Variants in DUXA observed in about 807,000 individuals in gnomAD.
DUXA encodes double homeobox A.
DUXA carries 25 observed loss-of-function variants against 27.5 expected under a neutral mutation model. That is an observed-to-expected ratio of 0.91 (90% CI 0.66 to 1.27). The LOEUF is 1.27. Ranked by LOEUF, DUXA falls within the 50% of genes most tolerant of loss-of-function variation. The pLI is 0.00. For synonymous variants in DUXA, 90 were observed against 80.5 expected (o/e 1.12, Z -0.63); for missense variants, 247 against 242.9 (o/e 1.02, Z -0.11).
chr19:57,159,237 T>C lies in DUXA; in HGVS notation c.222A>G (p.Lys74=). 7 of 1,614,182 alleles carry C rather than the reference T, an allele frequency of 4.3e-6. No homozygotes were observed. The highest frequency in any genetic ancestry group is 5.9e-6 in the Non-Finnish European group (7 of 1,180,032). ...ATTCTAAAGTCTCAGCTTCTGGTCT[T>C]TTCTGGAATCCGTGCCTAGCTCTTC... ...QNRRARHGFQ[K]RPEAETLESS... The change falls in exon 3 of 6, where the codon AAA becomes AAG. Residue 74 remains lysine, a synonymous_variant. Transcript: ENST00000554048.
At chr19:57,155,444 T>C in intron 4 of DUXA, 72 bp from the exon 5 acceptor site, 1 of 1,239,896 alleles carries the variant, frequency 8.1e-7, no homozygotes, top group Admixed American at 2.0e-5. Flanking sequence ...CTTTCTTCTC[T>C]TTTTTCTTTT....
At chr19:57,159,371 C>T in intron 2 of DUXA, 93 bp from the exon 3 acceptor site, 2 of 1,142,410 alleles carry the variant, frequency 1.8e-6, no homozygotes, top group Non-Finnish European at 2.5e-6. Flanking sequence ...CTTATTGGGC[C>T]TAGGCCCAGG....
At chr19:57,160,953 A>G (rs2087018031) in intron 1 of DUXA, among the ~76,000 whole-genome samples, 156 bp from the exon 2 acceptor site, 1 of 152,122 alleles carries the variant, frequency 6.6e-6, no homozygotes, top group Non-Finnish European at 1.5e-5. Context: ...TGAACACACA[A>G]TGGCGATTTT....
chr19:57,166,962 G>A (rs759274179), intron 1 of DUXA, among the ~76,000 whole-genome samples: 2 of 152,138 alleles, frequency 1.3e-5, no homozygotes, highest in Non-Finnish European at 2.9e-5. Context: ...GCCTGTTAGA[G>A]ACAAGCAGGC....
chr19:57,154,720 C>T (rs991751774), intron 5 of DUXA, among the ~76,000 whole-genome samples: 8 of 152,048 alleles, frequency 5.3e-5, no homozygotes, highest in Admixed American at 3.3e-4. Flanking sequence ...CCCGCCACCA[C>T]GCTCGGCTAA....
chr19:57,160,908 C>T (rs1568464100), intron 1 of DUXA, 111 bp from the exon 2 acceptor site: 1 of 1,219,386 alleles, frequency 8.2e-7, no homozygotes, highest in African/African-American at 1.5e-5. Flanking sequence ...GGAATCCACT[C>T]CAGGAGAACT....
chr19:57,155,417 T>G (rs371011216), intron 4 of DUXA, 45 bp from the exon 5 acceptor site: 18 of 1,438,678 alleles, frequency 1.3e-5, no homozygotes, highest in Non-Finnish European at 1.8e-5. Flanking sequence ...AAGAATGTTG[T>G]GTAAAACTCA....
At chr19:57,158,053 C>T (rs1307708568) in intron 4 of DUXA, among the ~76,000 whole-genome samples, 4 of 151,926 alleles carry the variant, frequency 2.6e-5, no homozygotes, top group African/African-American at 9.7e-5. Flanking sequence ...AACTAATATT[C>T]ACTCACTCAA....
chr19:57,155,143 C>T (rs546269304), intron 5 of DUXA, 124 bp downstream of exon 5: 12 of 804,130 alleles, frequency 1.5e-5, no homozygotes, highest in East Asian at 1.3e-4. Flanking sequence ...CCCATGGTAC[C>T]GTGGAGCACT....
chr19:57,161,285 A>G (rs1169200521), intron 1 of DUXA, among the ~76,000 whole-genome samples: 2 of 138,544 alleles, frequency 1.4e-5, no homozygotes, highest in Non-Finnish European at 3.0e-5. Context: ...AGATCGTGCC[A>G]TTGCACTCCA....
chr19:57,159,322 T>C (rs1348607287), intron 2 of DUXA, 44 bp from the exon 3 acceptor site: 3 of 1,559,508 alleles, frequency 1.9e-6, no homozygotes, highest in African/African-American at 1.4e-5. Flanking sequence ...GTTAATGTCA[T>C]TTAAGCTACA....
At chr19:57,165,320 A>ATATATATATATATATATAT (rs1380503736) in intron 1 of DUXA, among the ~76,000 whole-genome samples, 45 of 96,590 alleles carry the variant, frequency 4.7e-4, no homozygotes, top group Admixed American at 7.6e-4. Context: ...AAAAAAAAAA[A>ATATATATATATATATATAT]AAAAATATAT....
chr19:57,156,941 C>T (rs574390101), intron 4 of DUXA, among the ~76,000 whole-genome samples: 1 of 152,282 alleles, frequency 6.6e-6, no homozygotes, highest in South Asian at 2.1e-4. Flanking sequence ...GCTGAGATTA[C>T]AGGTGTGAGC....
intron 1 of DUXA, among the ~76,000 whole-genome samples, chr19:57,167,072 A>G (rs2087058657): frequency 6.6e-6 from 1 of 152,142 alleles, no homozygotes; most frequent in Admixed American, 6.5e-5. Context: ...TTCCAAGGAT[A>G]TTTTGAGCTC....
At chr19:57,165,123 A>T (rs961487693) in intron 1 of DUXA, among the ~76,000 whole-genome samples, 11 of 151,904 alleles carry the variant, frequency 7.2e-5, no homozygotes, top group Non-Finnish European at 1.3e-4. Flanking sequence ...GTGCCCTAAA[A>T]TAAATCTTCT....
chr19:57,158,411 C>G lies in DUXA; in HGVS notation c.355G>C (p.Ala119Pro). The change falls in exon 4 of 6, where the codon GCA (alanine) becomes CCA (proline). Residue 119 changes from alanine (A) to proline (P), a missense_variant. By Grantham distance (27) the Ala-to-Pro change is conservative. Coordinates refer to ENST00000554048, the MANE Select transcript of DUXA (RefSeq NM_001012729.2). ...CCAGGATATGGGTTTTTCATAAATG[C>G]CTTGATGAGAGTGTGTAACTGAGAG... ...SASQLHTLIKAFMKNPYPGID... is the reference protein window; with the variant it reads ...SASQLHTLIKPFMKNPYPGID... 3 of 1,613,820 alleles carry G rather than the reference C, an allele frequency of 1.9e-6. No individual in the cohort carries two copies. The highest frequency in any genetic ancestry group is 1.1e-5 in the South Asian group (1 of 91,068).
intron 1 of DUXA, among the ~76,000 whole-genome samples, chr19:57,162,978 C>T (rs1240676634): frequency 6.6e-6 from 1 of 151,758 alleles, no homozygotes. Flanking sequence ...TCCTCTTGAA[C>T]CTTGACCTCA....
chr19:57,161,951 G>A (rs946813707), intron 1 of DUXA, among the ~76,000 whole-genome samples: 5 of 152,094 alleles, frequency 3.3e-5, no homozygotes, highest in South Asian at 4.2e-4. Context: ...GTGCAGTGGC[G>A]CAATCATGGC....
At chr19:57,163,855 A>AGG in intron 1 of DUXA, among the ~76,000 whole-genome samples, 1 of 152,188 alleles carries the variant, frequency 6.6e-6, no homozygotes, top group East Asian at 1.9e-4. Context: ...CCAACCCATT[A>AGG]TCTTACATTT....
Sources: gnomAD v4.1 joint callset for allele counts (sites outside exome capture counted in the v4.1 genomes callset) on GRCh38, gnomAD v4.1.1 for gene constraint, MANE v1.5 for transcripts, NCBI Gene and HGNC (gene_info 2026-07-23, HGNC 2026-07-21) for gene names.